Variants in GCN1 observed in about 807,000 individuals in gnomAD.
GCN1 encodes the protein stalled ribosome sensor GCN1.
GCN1 carries 90 observed loss-of-function variants against 288.4 expected under a neutral mutation model. The ratio of observed to expected loss-of-function variants is 0.31; its 90% CI spans 0.26 to 0.37. The LOEUF is 0.37. Ranked by LOEUF, GCN1 falls within the 10% of genes least tolerant of loss-of-function variation. The pLI is 1.00. For synonymous variants in GCN1, 1,386 were observed against 1,420.2 expected (o/e 0.98, Z 0.54); for missense variants, 2,586 against 3,419.9 (o/e 0.76, Z 6.08).
intron 14 of GCN1, among the ~76,000 whole-genome samples, chr12:120,173,081 A>G (rs1448744074): frequency 1.4e-5 from 2 of 144,908 alleles, no homozygotes; most frequent in African/African-American, 5.2e-5. Flanking sequence ...TTTTTCCAAG[A>G]CAGAGTCTTG....
At chr12:120,128,998 T>G (rs754769098) in intron 57 of GCN1, among the ~76,000 whole-genome samples, 1 of 152,030 alleles carries the variant, frequency 6.6e-6, no homozygotes, top group Non-Finnish European at 1.5e-5. Flanking sequence ...CCACCACGCC[T>G]GGCTAATTTT....
chr12:120,170,188 T>A lies in GCN1; in HGVS notation c.1500A>T (p.Ser500=), dbSNP rs780471139. The A allele has an allele frequency of 6.2e-6, 10 of 1,614,010 alleles. No homozygotes were observed. In the South Asian group the frequency reaches 9.9e-5, roughly 16 times the overall value. The stretch of plus-strand genomic sequence containing the variant: ...TCATACCAGCCTGTGAGTCAGCCAC[T>A]GACAACTTTAAGAGCAACAAGGCTG... ...VAAALLLLKL[S]VADSQAEAKL... is the part of the protein sequence containing the mutation. The change falls in exon 15 of 58, where the codon TCA becomes TCT. Residue 500 remains serine, a synonymous_variant. Coordinates refer to ENST00000300648, the MANE Select transcript of GCN1 (RefSeq NM_006836.2).
At position 120,151,171 on chromosome 12, in the gene GCN1, T is replaced by C; in HGVS notation, c.4283A>G (p.Asp1428Gly). The change falls in exon 34 of 58, where the codon GAT becomes GGT. Residue 1428 changes from aspartate (D) to glycine (G), a missense_variant. Asp to Gly is a moderately conservative substitution (Grantham distance 94, BLOSUM62 -1). This residue lies in a region of GCN1 where 371 missense variants were observed against 572.6 expected (regional missense o/e 0.65). Coordinates refer to ENST00000300648, the MANE Select transcript of GCN1 (RefSeq NM_006836.2). ...CTCTCGCCGGCGGAAGTTCTTCTTA[T>C]CTTGGATGGCATCAGTCAGTGCCGC... Reference protein sequence around the residue: ...MMAALTDAIQDKKNFRRREGA... With the variant: ...MMAALTDAIQGKKNFRRREGA... 1 of 1,613,884 alleles carries C rather than the reference T, an allele frequency of 6.2e-7. No individual in the cohort carries two copies.
chr12:120,164,374 G>T lies in GCN1; in HGVS notation c.1810C>A (p.Leu604Ile). 5.6e-6 allele frequency: 9 copies of T among 1,614,190 alleles called. No homozygotes were observed. The highest frequency in any genetic ancestry group is 7.6e-6 in the Non-Finnish European group (9 of 1,180,016). The change falls in exon 18 of 58, where the codon CTC (leucine) becomes ATC (isoleucine). Residue 604 changes from leucine to isoleucine, a missense_variant. Coordinates refer to ENST00000300648, the MANE Select transcript of GCN1 (RefSeq NM_006836.2). ...SLGGFKLAHG[L>I]LEELKTVLSS... ...AGGACAGTCTTCAGCTCCTCCAAGA[G>T]TCCGTGCGCCAGCTTAAAGCCCCCA...
rs370530493 is a variant in GCN1, at chr12:120,141,046, G to A, written c.5830-23C>T. 60 of 1,600,994 alleles carry A rather than the reference G, an allele frequency of 3.7e-5. No homozygotes were observed. The African/African-American group carries it at 7.5e-4, about 20-fold the overall frequency. On this transcript the variant is annotated intron_variant, in intron 44 of 57. Coordinates refer to ENST00000300648, the MANE Select transcript of GCN1 (RefSeq NM_006836.2). Reference sequence around the variant, plus strand: ...AATCTGTCAACAGAGACCAATCCAGGAAGTAAAGTCCCTGCAAAGCCCAGG... The same window carrying A: ...AATCTGTCAACAGAGACCAATCCAGAAAGTAAAGTCCCTGCAAAGCCCAGG...
chr12:120,153,940 G>A lies in GCN1; in HGVS notation c.3702-31C>T. On this transcript the variant is annotated intron_variant, in intron 31 of 57. Coordinates refer to ENST00000300648, the MANE Select transcript of GCN1 (RefSeq NM_006836.2). The surrounding 1 kb of genome is among the most constrained non-coding windows in gnomAD (Gnocchi z 4.4). ...AAAGAAGTGGGAGCACATCAGGAGG[G>A]GCAGTCAGGGGGCCTCCTCTGCCAG... The A allele has an allele frequency of 6.3e-7, 1 of 1,591,562 alleles. No individual in the cohort carries two copies. The highest frequency in any genetic ancestry group is 8.6e-7 in the Non-Finnish European group (1 of 1,163,728).
chr12:120,166,952 C>G (rs1034832524), intron 16 of GCN1, among the ~76,000 whole-genome samples: 9 of 150,342 alleles, frequency 6.0e-5, no homozygotes, highest in Non-Finnish European at 3.0e-5. Context: ...GAGGTCGAGG[C>G]TGCAGTGAGC....
In GCN1 at chr12:120,155,653, G is replaced by A. The variant is rs1332167144; in HGVS notation, c.3379C>T (p.Leu1127=). The part of the protein sequence containing the change: ...DTDEKNGLNL[L]RRLWVVKFDK... ...AACTTGACCACCCAGAGTCTCCGCA[G>A]AAGGTTCAGGCCATTCTTCTCATCA... is the stretch of plus-strand genomic sequence containing the variant. Residue 1127 remains leucine, a synonymous_variant, in exon 29 of 58, where the codon CTG becomes TTG. Coordinates refer to ENST00000300648, the MANE Select transcript of GCN1 (RefSeq NM_006836.2). This position sits in a 1 kb window ranked among gnomAD's most constrained non-coding sequence, Gnocchi z 4.9. 9.3e-6 allele frequency: 15 copies of A among 1,613,872 alleles called. No individual in the cohort carries two copies. The highest frequency in any genetic ancestry group is 4.5e-5 in the East Asian group (2 of 44,898).
At chr12:120,172,881 G>A (rs966313939) in intron 14 of GCN1, among the ~76,000 whole-genome samples, 1 of 152,068 alleles carries the variant, frequency 6.6e-6, no homozygotes. Flanking sequence ...CTCTGAGATG[G>A]AAATCAGTAA....
rs1291117859 is a variant in GCN1 at position 120,160,214 on chromosome 12, C to T, written c.2478G>A (p.Leu826=). Residue 826 remains leucine, a synonymous_variant, in exon 23 of 58, where the codon CTG becomes CTA. Transcript: ENST00000300648. ...GCAGCATCTCCTTCTGCTTGCTGGT[C>T]AGCTGCACCTCCTCTTTGATGCCTT... ...KKKGIKEEVQ[L]TSKQKEMLQA... The T allele has an allele frequency of 1.7e-5, 27 of 1,612,468 alleles. No homozygotes were observed. Among genetic ancestry groups the T allele is most frequent in the East Asian group, 4.5e-5 (2 of 44,884 alleles).
rs111838318 is a variant in GCN1 at position 120,140,910 on chromosome 12, C to T, written c.5943G>A (p.Gln1981=). The T allele has an allele frequency of 5.8e-3, 9,301 of 1,614,126 alleles. 57 individuals carry two copies. The highest frequency in any genetic ancestry group is 0.013 in the South Asian group (1,199 of 91,084). ...GLRSQKSDER[Q]GVCIGLSEIM... ...TCTCACTTAGGCCAATGCACACACC[C>T]TGCCTCTCATCGCTCTTCTGAGACC... The change falls in exon 45 of 58, where the codon CAG becomes CAA. Residue 1981 remains glutamine (Q), a synonymous_variant. Coordinates refer to ENST00000300648, the MANE Select transcript of GCN1 (RefSeq NM_006836.2).
intron 45 of GCN1, among the ~76,000 whole-genome samples, chr12:120,140,596 G>C (rs533239394): frequency 2.0e-5 from 3 of 152,150 alleles, no homozygotes; most frequent in Non-Finnish European, 4.4e-5. Flanking sequence ...AGTTGTAAGA[G>C]AGCGATCATC....
At position 120,129,268 on chromosome 12, in the gene GCN1, G is replaced by A. The variant is rs1464882147; in HGVS notation, c.7890+8C>T. 1.2e-6 allele frequency: 2 copies of A among 1,605,526 alleles called. No homozygotes were observed. Among genetic ancestry groups the A allele is most frequent in the South Asian group, 1.1e-5 (1 of 90,906 alleles). On this transcript the variant is annotated splice_region_variant and intron_variant, in intron 57 of 57. Coordinates refer to ENST00000300648, the MANE Select transcript of GCN1 (RefSeq NM_006836.2). ...AGCACATCCTGGTGAGGCCCCCCAGGCTCCCACCTGAAACACCTCTTCACC... is the reference window on the plus strand; with the variant it reads ...AGCACATCCTGGTGAGGCCCCCCAGACTCCCACCTGAAACACCTCTTCACC...
intron 22 of GCN1, among the ~76,000 whole-genome samples, chr12:120,160,733 T>C (rs1877898351): frequency 6.6e-6 from 1 of 152,192 alleles, no homozygotes; most frequent in South Asian, 2.1e-4. Context: ...ACCTGGATTG[T>C]GCCAGGCACT....
chr12:120,173,857 C>A, intron 13 of GCN1, 31 bp from the exon 14 acceptor site: 1 of 1,584,858 alleles, frequency 6.3e-7, no homozygotes, highest in South Asian at 1.1e-5. Context: ...CCAGTCAGTC[C>A]AATGTCTTAT....
At chr12:120,186,070 A>G (rs1878811162) in intron 2 of GCN1, among the ~76,000 whole-genome samples, 2 of 151,602 alleles carry the variant, frequency 1.3e-5, no homozygotes, top group Non-Finnish European at 2.9e-5. Flanking sequence ...GCAGTGGCTC[A>G]CGCCTGTAAT....
intron 5 of GCN1, among the ~76,000 whole-genome samples, chr12:120,179,783 T>C (rs1878593545): frequency 6.6e-6 from 1 of 151,770 alleles, no homozygotes; most frequent in African/African-American, 2.4e-5. Context: ...ACAATTTCAG[T>C]GAGGTTTAAG....
chr12:120,130,369 C>T (rs574709465), intron 56 of GCN1, among the ~76,000 whole-genome samples: 2 of 152,302 alleles, frequency 1.3e-5, no homozygotes, highest in South Asian at 2.1e-4. Flanking sequence ...TACAAAACTA[C>T]GGTGCCTAGA....
chr12:120,182,855 G>A (rs1040476058), intron 5 of GCN1, among the ~76,000 whole-genome samples: 4 of 150,002 alleles, frequency 2.7e-5, no homozygotes, highest in East Asian at 2.0e-4. Flanking sequence ...CAAGAGAAAC[G>A]CTTGAACCCA....
Sources: gnomAD v4.1 joint callset for allele counts (sites outside exome capture counted in the v4.1 genomes callset) on GRCh38, gnomAD v4.1.1 for gene constraint, gnomAD v4.1.1 regional missense constraint, Gnocchi (gnomAD v3.1) non-coding constraint, MANE v1.5 for transcripts, NCBI Gene and HGNC (gene_info 2026-07-23, HGNC 2026-07-21) for gene names.